The following LY96 variants were observed in gnomAD, a reference collection of about 807,000 sequenced individuals.
LY96 encodes the protein lymphocyte antigen 96.
In LY96, 18 loss-of-function variants were observed where a neutral mutation model predicts 18.9. The ratio of observed to expected loss-of-function variants is 0.95; its 90% CI spans 0.66 to 1.41. LY96 has a LOEUF of 1.41. LY96 is among the 40% of genes most tolerant of loss of function. LY96 has a pLI of 0.00. For missense variants in LY96, 175 were observed against 182.4 expected (o/e 0.96, Z 0.23); for synonymous variants, 66 against 62.6 (o/e 1.06, Z -0.26).
intron 1 of LY96, among the ~76,000 whole-genome samples, chr8:74,002,032 T>C (rs1424839840): frequency 1.1e-4 from 3 of 26,388 alleles, no homozygotes; most frequent in African/African-American, 2.8e-4. Context: ...CCTTCCTTCC[T>C]TCCTTCCTTC....
At chr8:74,092,088 T>C in the LY96 span, among the ~76,000 whole-genome samples, 1 of 152,192 alleles carries the variant, frequency 6.6e-6, no homozygotes, top group African/African-American at 2.4e-5. Flanking sequence ...CTCCCTATAG[T>C]CTAGGGCTAG....
At chr8:74,028,840 A>G (rs1816920737) in intron 4 of LY96, 116 bp from the exon 5 acceptor site, 2 of 620,180 alleles carry the variant, frequency 3.2e-6, no homozygotes, top group East Asian at 2.8e-5. Context: ...TTGGAAAACT[A>G]TAAAATCAAT....
At chr8:73,992,385 T>A (rs1816021424) in intron 1 of LY96, among the ~76,000 whole-genome samples, 1 of 152,164 alleles carries the variant, frequency 6.6e-6, no homozygotes, top group Non-Finnish European at 1.5e-5. Flanking sequence ...AAAATACCAG[T>A]TCTTTGAGAT....
chr8:74,013,942 C>T (rs1197632024), intron 3 of LY96, among the ~76,000 whole-genome samples: 1 of 151,888 alleles, frequency 6.6e-6, no homozygotes. Context: ...TTACAGATAA[C>T]TAGCATCCAT....
At chr8:74,059,463 T>A in the LY96 span, among the ~76,000 whole-genome samples, 1 of 152,342 alleles carries the variant, frequency 6.6e-6, no homozygotes, top group East Asian at 1.9e-4. Context: ...TTTAAAAAGT[T>A]GTATAAATAA....
At chr8:74,041,144 A>G in the LY96 span, among the ~76,000 whole-genome samples, 3 of 152,270 alleles carry the variant, frequency 2.0e-5, no homozygotes, top group Middle Eastern at 3.4e-3. Context: ...TACTTTTATA[A>G]TTTCTTATGC....
the LY96 span, among the ~76,000 whole-genome samples, chr8:74,075,113 G>A: frequency 6.6e-6 from 1 of 152,124 alleles, no homozygotes; most frequent in African/African-American, 2.4e-5. Context: ...TTATATTGGG[G>A]TCTATCTCTC....
At chr8:74,031,856 G>T (rs1816976861), downstream of LY96, among the ~76,000 whole-genome samples, 1 of 152,112 alleles carries the variant, frequency 6.6e-6, no homozygotes, top group African/African-American at 2.4e-5. Flanking sequence ...AGGCATGGTG[G>T]CTTCTGCCTG....
At chr8:74,030,562 C>T (rs555836562), downstream of LY96, among the ~76,000 whole-genome samples, 1 of 152,250 alleles carries the variant, frequency 6.6e-6, no homozygotes, top group South Asian at 2.1e-4. Flanking sequence ...ACCCCTCTCT[C>T]TATATAGAGA....
the LY96 span, among the ~76,000 whole-genome samples, chr8:74,048,329 T>G: frequency 3.9e-5 from 6 of 152,024 alleles, no homozygotes; most frequent in African/African-American, 1.2e-4. Context: ...TGGTGCAATC[T>G]TGGCTCACTG....
intron 1 of LY96, among the ~76,000 whole-genome samples, chr8:73,992,275 G>A (rs1305539682): frequency 6.6e-6 from 1 of 152,134 alleles, no homozygotes; most frequent in Non-Finnish European, 1.5e-5. Flanking sequence ...AGGCCTGACA[G>A]CTGTTTTGGT....
At chr8:74,065,144 T>C in the LY96 span, among the ~76,000 whole-genome samples, 77 of 152,336 alleles carry the variant, frequency 5.1e-4, no homozygotes, top group African/African-American at 1.7e-3. Context: ...AATCCACCCA[T>C]GATCTGTAAG....
At chr8:73,993,764 A>T (rs903145403) in intron 1 of LY96, among the ~76,000 whole-genome samples, 2 of 151,556 alleles carry the variant, frequency 1.3e-5, no homozygotes, top group African/African-American at 4.9e-5. Context: ...TTTTTTGTAG[A>T]GATGGAGTCT....
chr8:74,002,556 G>T (rs116821531), intron 1 of LY96, among the ~76,000 whole-genome samples: 2,159 of 149,030 alleles, frequency 0.014, 40 homozygotes, highest in African/African-American at 0.049. Context: ...TCAGCTCCAT[G>T]ATTTATTTAT....
the LY96 span, among the ~76,000 whole-genome samples, chr8:74,038,592 T>C: frequency 6.6e-6 from 1 of 152,216 alleles, no homozygotes; most frequent in South Asian, 2.1e-4. Flanking sequence ...GGTCTTACTA[T>C]ATTGACCAGG....
At chr8:74,027,131 G>A (rs1036855018) in intron 4 of LY96, among the ~76,000 whole-genome samples, 2 of 151,834 alleles carry the variant, frequency 1.3e-5, no homozygotes, top group African/African-American at 2.4e-5. Flanking sequence ...GAAGAGACGC[G>A]GTTTCACCAT....
At chr8:74,061,829 C>T in the LY96 span, among the ~76,000 whole-genome samples, 11 of 152,300 alleles carry the variant, frequency 7.2e-5, no homozygotes, top group Non-Finnish European at 1.5e-4. Flanking sequence ...CTCTCATGTT[C>T]TACATCTTTG....
the LY96 span, among the ~76,000 whole-genome samples, chr8:74,088,524 C>A: frequency 2.0e-5 from 3 of 152,158 alleles, no homozygotes; most frequent in Non-Finnish European, 4.4e-5. Flanking sequence ...TCTCTTCCCT[C>A]CCCTCAACCT....
chr8:74,032,352 A>G (rs1490773021), downstream of LY96, among the ~76,000 whole-genome samples: 1 of 152,248 alleles, frequency 6.6e-6, no homozygotes. Context: ...GCAGAAATGA[A>G]ATCCACAGGC....
Sources: gnomAD v4.1 joint callset for allele counts (sites outside exome capture counted in the v4.1 genomes callset) on GRCh38, gnomAD v4.1.1 for gene constraint, MANE v1.5 for transcripts, NCBI Gene and HGNC (gene_info 2026-07-23, HGNC 2026-07-21) for gene names.